Variants in ACTR3C observed in about 807,000 individuals in gnomAD.
ACTR3C encodes actin-related protein 3C.
ACTR3C carries 18 observed loss-of-function variants against 26.3 expected under a neutral mutation model. That is an observed-to-expected ratio of 0.68 (90% CI 0.47 to 1.01). ACTR3C has a LOEUF of 1.01. ACTR3C is among the 50% of genes least tolerant of loss of function. ACTR3C has a pLI of 0.00. For missense variants in ACTR3C, 184 were observed against 250.7 expected (o/e 0.73, Z 1.80); for synonymous variants, 55 against 94.5 (o/e 0.58, Z 2.42).
At chr7:150,066,201 G>T in the ACTR3C span, among the ~76,000 whole-genome samples, 1 of 152,042 alleles carries the variant, frequency 6.6e-6, no homozygotes, top group East Asian at 1.9e-4. Flanking sequence ...CCCATACATT[G>T]CTTCAGGGGA....
chr7:150,180,790 G>A, the ACTR3C span, among the ~76,000 whole-genome samples: 14 of 148,744 alleles, frequency 9.4e-5, 1 homozygote. Flanking sequence ...GATTACAGGC[G>A]TGAGCCACTG....
rs1797790853 is a variant in ACTR3C, at chr7:150,323,516, C to T, written c.-99G>A. 2.3e-6 allele frequency: 1 copy of T among 436,618 alleles called. No homozygotes were observed. Among genetic ancestry groups the T allele is most frequent in the Admixed American group, 2.5e-5 (1 of 40,114 alleles). 27.0% of individuals were successfully genotyped at this position (436,618 alleles called of 1,614,324 possible). ...GCGGTGCGGAGTTGCGCCGGACTTCCCAGCTTGGCCAGTGGCTCCGCAGGC... is the reference window on the plus strand; with the variant it reads ...GCGGTGCGGAGTTGCGCCGGACTTCTCAGCTTGGCCAGTGGCTCCGCAGGC... On this transcript the variant is annotated 5_prime_UTR_variant, in exon 1 of 8. Coordinates refer to ENST00000683684, the MANE Select transcript of ACTR3C (RefSeq NM_001164458.2).
the ACTR3C span, among the ~76,000 whole-genome samples, chr7:149,947,565 G>A: frequency 1.0e-5 from 1 of 98,232 alleles, no homozygotes; most frequent in Admixed American, 1.0e-4. Context: ...GCAGGGCAGG[G>A]CTTGAAACAA....
At chr7:150,040,925 T>C in the ACTR3C span, among the ~76,000 whole-genome samples, 1 of 150,120 alleles carries the variant, frequency 6.7e-6, no homozygotes, top group African/African-American at 2.5e-5. Flanking sequence ...GCTTATTTGC[T>C]TCTTGTACTA....
At chr7:150,241,515 A>G (rs918009706), downstream of ACTR3C, among the ~76,000 whole-genome samples, 1 of 152,268 alleles carries the variant, frequency 6.6e-6, no homozygotes, top group Admixed American at 6.5e-5. Context: ...ATTTCATTAG[A>G]AATAGATCAT....
At chr7:150,286,253 C>G (rs1220213411) in intron 5 of ACTR3C, 114 bp downstream of exon 5, 8 of 1,341,370 alleles carry the variant, frequency 6.0e-6, no homozygotes, top group South Asian at 6.0e-5. Flanking sequence ...GCAGAGAGAC[C>G]GAATGACGGC....
chr7:150,038,242 A>AG, the ACTR3C span, among the ~76,000 whole-genome samples: 1 of 144,324 alleles, frequency 6.9e-6, no homozygotes, highest in Non-Finnish European at 1.5e-5. Context: ...GCCCTCAAAT[A>AG]GGGGGGCCAT....
intron 1 of ACTR3C, among the ~76,000 whole-genome samples, chr7:150,312,760 C>T (rs576226426): frequency 2.0e-5 from 3 of 152,200 alleles, no homozygotes; most frequent in East Asian, 1.9e-4. Context: ...CAGAAAAAAC[C>T]GATATTTTCT....
the ACTR3C span, among the ~76,000 whole-genome samples, chr7:150,096,454 C>G: frequency 6.6e-6 from 1 of 151,434 alleles, no homozygotes; most frequent in South Asian, 2.1e-4. Context: ...TGACAGAAAA[C>G]AATTTCAAAA....
the ACTR3C span, among the ~76,000 whole-genome samples, chr7:149,984,625 C>T: frequency 6.6e-6 from 1 of 151,476 alleles, no homozygotes; most frequent in Non-Finnish European, 1.5e-5. Context: ...CTCTCTTTCA[C>T]AGAAAGTCAC....
At chr7:150,307,837 T>A (rs142566833) in intron 1 of ACTR3C, among the ~76,000 whole-genome samples, 2 of 152,248 alleles carry the variant, frequency 1.3e-5, no homozygotes, top group African/African-American at 4.8e-5. Flanking sequence ...CCTCACCAAT[T>A]TTAAATTGGG....
the ACTR3C span, among the ~76,000 whole-genome samples, chr7:149,962,937 A>G: frequency 4.2e-3 from 635 of 152,274 alleles, 3 homozygotes; most frequent in African/African-American, 0.015. Flanking sequence ...TGGAAAACCA[A>G]ATTAGCCTTT....
At chr7:149,988,589 T>C in the ACTR3C span, among the ~76,000 whole-genome samples, 10 of 152,354 alleles carry the variant, frequency 6.6e-5, no homozygotes, top group East Asian at 1.4e-3. Flanking sequence ...AGATGACCGT[T>C]GGGCCACTTA....
chr7:150,144,700 G>A, the ACTR3C span, among the ~76,000 whole-genome samples: 1 of 152,172 alleles, frequency 6.6e-6, no homozygotes, highest in Admixed American at 6.5e-5. The surrounding 1 kb of genome is among the most constrained non-coding windows in gnomAD (Gnocchi z 4.6). Context: ...ATGGAGAATC[G>A]AAGTTTACTC....
At chr7:150,193,991 GACACACAC>G in the ACTR3C span, among the ~76,000 whole-genome samples, 52 of 131,980 alleles carry the variant, frequency 3.9e-4, 2 homozygotes, top group East Asian at 3.3e-3. Context: ...TACACACACA[GACACACAC>G]ACACACACAC....
chr7:150,195,412 A>C, the ACTR3C span, among the ~76,000 whole-genome samples: 1 of 152,040 alleles, frequency 6.6e-6, no homozygotes, highest in Non-Finnish European at 1.5e-5. Context: ...GCCTCAAGGA[A>C]TTCTTTTAAT....
At chr7:150,250,503 G>A (rs916410425) in intron 6 of ACTR3C, among the ~76,000 whole-genome samples, 2 of 151,774 alleles carry the variant, frequency 1.3e-5, no homozygotes, top group Non-Finnish European at 2.9e-5. Flanking sequence ...GCGCCCGGCC[G>A]ACTTGAATTT....
At chr7:150,190,874 G>C in the ACTR3C span, among the ~76,000 whole-genome samples, 1 of 152,068 alleles carries the variant, frequency 6.6e-6, no homozygotes, top group Non-Finnish European at 1.5e-5. Context: ...TTCATGTGAC[G>C]GCAGCAAGGA....
chr7:150,212,308 A>C, the ACTR3C span, among the ~76,000 whole-genome samples: 1 of 149,432 alleles, frequency 6.7e-6, no homozygotes, highest in Non-Finnish European at 1.5e-5. Flanking sequence ...AAAACCAGAA[A>C]AAACAATTAC....
Sources: allele counts gnomAD v4.1 joint callset (sites outside exome capture counted in the v4.1 genomes callset), GRCh38; gene constraint gnomAD v4.1.1; non-coding constraint Gnocchi (gnomAD v3.1); transcripts MANE v1.5; gene names NCBI Gene and HGNC (gene_info 2026-07-23, HGNC 2026-07-21).